IFT80: variants seen among roughly 807,000 people sequenced by gnomAD.
IFT80 encodes intraflagellar transport protein 80 homolog.
A neutral mutation model predicts 107.9 loss-of-function variants in IFT80; 79 were observed. The observed-to-expected ratio is 0.73, with a 90% CI of 0.61 to 0.88. The LOEUF (loss-of-function observed/expected upper bound fraction) is 0.88. IFT80 is among the 40% of genes least tolerant of loss of function. The pLI, the probability that IFT80 is intolerant of heterozygous loss-of-function variation, is 0.00. For missense variants in IFT80, 797 were observed against 914.2 expected, an observed-to-expected ratio of 0.87 and a Z score of 1.65; for synonymous variants, 299 against 300.9, an observed-to-expected ratio of 0.99 and a Z score of 0.07.
At chr3:160,282,713 T>A (rs1714781468) in intron 13 of IFT80, 100 bp from the exon 14 acceptor site, 1 of 744,004 alleles carries the variant, frequency 1.3e-6, no homozygotes, top group Non-Finnish European at 2.3e-6. Flanking sequence ...ATCAATTAAA[T>A]GTCATTTCCC....
At chr3:160,379,178 T>C (rs1712275254) in intron 3 of IFT80, among the ~76,000 whole-genome samples, 1 of 152,178 alleles carries the variant, frequency 6.6e-6, no homozygotes, top group South Asian at 2.1e-4. Flanking sequence ...AAATTGAATC[T>C]AATCATGAGG....
chr3:160,306,691 A>G (rs140824996), intron 10 of IFT80, among the ~76,000 whole-genome samples: 2 of 152,254 alleles, frequency 1.3e-5, no homozygotes, highest in African/African-American at 4.8e-5. Flanking sequence ...CAAATTGCAG[A>G]TTCTGATTAG....
chr3:160,323,088 GT>G (rs1718385987), intron 8 of IFT80, among the ~76,000 whole-genome samples: 1 of 150,438 alleles, frequency 6.6e-6, no homozygotes, highest in Non-Finnish European at 1.5e-5. Context: ...TGCTTTTGGT[GT>G]TTTAGACATG....
At chr3:160,307,216 C>T (rs1716891603) in intron 10 of IFT80, among the ~76,000 whole-genome samples, 1 of 152,136 alleles carries the variant, frequency 6.6e-6, no homozygotes. Flanking sequence ...GGTAGGATCA[C>T]AGCTCACTGC....
In IFT80 at chr3:160,381,395, A is replaced by G. The variant is rs1712507272; in HGVS notation, c.259+108T>C. The G allele has an allele frequency of 6.1e-6, 5 of 822,358 alleles. No individual in the cohort carries two copies. The East Asian group carries it at 1.3e-4, about 22-fold the overall frequency. 50.9% of individuals were successfully genotyped at this position (822,358 alleles called of 1,614,324 possible). ...AAAGAAATACAATATGTGGATAAAAATATGCAGATCCACAAATACCAGTTT... is the reference window on the plus strand; with the variant it reads ...AAAGAAATACAATATGTGGATAAAAGTATGCAGATCCACAAATACCAGTTT... On this transcript the variant is annotated intron_variant, in intron 3 of 19. Coordinates refer to ENST00000326448, the MANE Select transcript of IFT80 (RefSeq NM_020800.3).
intron 6 of IFT80, among the ~76,000 whole-genome samples, chr3:160,359,499 G>A (rs961548337): frequency 3.9e-5 from 6 of 152,112 alleles, no homozygotes; most frequent in East Asian, 1.9e-4. Flanking sequence ...CCAGCACGGC[G>A]TTTGAGCTCT....
chr3:160,356,257 A>G, intron 7 of IFT80, 107 bp from the exon 8 acceptor site: 1 of 950,608 alleles, frequency 1.1e-6, no homozygotes, highest in East Asian at 2.7e-5. Context: ...CAGACACCAC[A>G]TAAAAACAAG....
intron 5 of IFT80, among the ~76,000 whole-genome samples, chr3:160,368,199 A>C (rs1224601256): frequency 6.6e-6 from 1 of 151,876 alleles, no homozygotes; most frequent in Non-Finnish European, 1.5e-5. Context: ...TATAATCAAT[A>C]AATCAATGTC....
At chr3:160,323,710 T>A (rs1227580298) in intron 8 of IFT80, among the ~76,000 whole-genome samples, 1 of 151,490 alleles carries the variant, frequency 6.6e-6, no homozygotes, top group Non-Finnish European at 1.5e-5. Flanking sequence ...ACATCACAAT[T>A]AAAAGAACTA....
chr3:160,307,548 G>A, intron 10 of IFT80, 115 bp downstream of exon 10: 1 of 753,992 alleles, frequency 1.3e-6, no homozygotes, highest in South Asian at 1.4e-5. Flanking sequence ...CAGGATAGCT[G>A]AGGTTTTGAG....
intron 8 of IFT80, chr3:160,343,009 G>A (rs1025842605): frequency 6.6e-6 from 1 of 152,652 alleles, no homozygotes; most frequent in African/African-American, 2.4e-5. Context: ...ACCCTTCAAG[G>A]ATTTAAGCTA....
At chr3:160,264,880 A>G (rs180746562) in intron 19 of IFT80, among the ~76,000 whole-genome samples, 80 of 152,206 alleles carry the variant, frequency 5.3e-4, no homozygotes, top group African/African-American at 1.9e-3. Context: ...CCTCTCCTGG[A>G]ACATGTTATT....
chr3:160,279,619 A>C (rs1009306391), intron 15 of IFT80, among the ~76,000 whole-genome samples: 2 of 152,248 alleles, frequency 1.3e-5, no homozygotes, highest in African/African-American at 4.8e-5. Flanking sequence ...TAAAGTAGCA[A>C]AAATTATTAC....
At chr3:160,314,309 T>C (rs1372547882) in intron 9 of IFT80, among the ~76,000 whole-genome samples, 1 of 152,126 alleles carries the variant, frequency 6.6e-6, no homozygotes, top group Admixed American at 6.6e-5. Flanking sequence ...TTTGGGACAC[T>C]AGAAATGCCT....
At chr3:160,325,215 T>C (rs1718595838) in intron 8 of IFT80, among the ~76,000 whole-genome samples, 1 of 151,894 alleles carries the variant, frequency 6.6e-6, no homozygotes, top group Non-Finnish European at 1.5e-5. Context: ...CCAAGGTAAT[T>C]TATAGATTCA....
intron 12 of IFT80, among the ~76,000 whole-genome samples, chr3:160,299,714 C>A (rs542351439): frequency 6.6e-6 from 1 of 152,202 alleles, no homozygotes; most frequent in East Asian, 1.9e-4. Context: ...TATCTCTAGT[C>A]CCAACCTCTC....
intron 3 of IFT80, among the ~76,000 whole-genome samples, chr3:160,380,727 T>C (rs1173748601): frequency 6.6e-6 from 1 of 152,130 alleles, no homozygotes; most frequent in African/African-American, 2.4e-5. Flanking sequence ...ATCATACTTG[T>C]TATTCACCAA....
intron 9 of IFT80, among the ~76,000 whole-genome samples, chr3:160,316,652 A>G (rs1717844246): frequency 6.6e-6 from 1 of 152,126 alleles, no homozygotes; most frequent in Non-Finnish European, 1.5e-5. Context: ...TTAGGAAACC[A>G]TTCCTTCCAC....
intron 8 of IFT80, among the ~76,000 whole-genome samples, chr3:160,351,029 AT>A (rs1720660498): frequency 6.6e-6 from 1 of 151,982 alleles, no homozygotes; most frequent in Admixed American, 6.5e-5. Flanking sequence ...GAAAATGTAC[AT>A]TTTTTAAATG....
Sources: gnomAD v4.1 joint callset for allele counts (sites outside exome capture counted in the v4.1 genomes callset) on GRCh38, gnomAD v4.1.1 for gene constraint, MANE v1.5 for transcripts, NCBI Gene and HGNC (gene_info 2026-07-23, HGNC 2026-07-21) for gene names.